The following CPLANE1 variants were observed in gnomAD, a reference collection of about 807,000 sequenced individuals.
CPLANE1 encodes the protein ciliogenesis and planar polarity effector 1.
A neutral mutation model predicts 362.5 loss-of-function variants in CPLANE1; 263 were observed. The observed-to-expected ratio is 0.73, with a 90% CI of 0.66 to 0.80. CPLANE1 has a LOEUF of 0.80. Among genes scored for constraint, CPLANE1 ranks in the 30% least tolerant of loss-of-function variants. The probability of loss-of-function intolerance (pLI) is 0.00; values close to 1 mark genes in which losing one functional copy is unlikely to be tolerated. For missense variants in CPLANE1, 3,461 were observed against 3,793.4 expected, an observed-to-expected ratio of 0.91 and a Z score of 2.30; for synonymous variants, 1,212 against 1,302.6, an observed-to-expected ratio of 0.93 and a Z score of 1.50.
chr5:37,100,043 T>C, the CPLANE1 span, among the ~76,000 whole-genome samples: 1 of 148,982 alleles, frequency 6.7e-6, no homozygotes. Flanking sequence ...ACAAAAATTT[T>C]CTCCCATTCT....
At chr5:37,210,018 T>A (rs920754403) in intron 16 of CPLANE1, 4 of 846,238 alleles carry the variant, frequency 4.7e-6, no homozygotes, top group Non-Finnish European at 6.0e-6. Flanking sequence ...ATGTCAAAAG[T>A]TGAAGTTTTT....
At chr5:37,114,316 T>A (rs1760259957) in intron 51 of CPLANE1, among the ~76,000 whole-genome samples, 1 of 152,186 alleles carries the variant, frequency 6.6e-6, no homozygotes, top group Non-Finnish European at 1.5e-5. Context: ...TCTGAACAGG[T>A]CATTTAACTT....
chr5:37,173,810 T>G lies in CPLANE1; in HGVS notation c.6116A>C (p.Asp2039Ala). ...CATCTGCCTAACGGACTCCGAACAATCTGGTAACTGAGCCGTGAATTCATT... is the reference window on the plus strand; with the variant it reads ...CATCTGCCTAACGGACTCCGAACAAGCTGGTAACTGAGCCGTGAATTCATT... ...QRNEFTAQLP[D>A]CSESVRQMLQ... is the part of the protein sequence containing the mutation. The change falls in exon 32 of 53, where the codon GAT becomes GCT. Residue 2039 changes from aspartate to alanine, a missense_variant. Asp to Ala is a moderately radical substitution (Grantham distance 126, BLOSUM62 -2). Around this residue, in one of 2 missense-constraint regions of CPLANE1, gnomAD observed 3,380 missense variants for 3,666.1 expected, o/e 0.92. Transcript: ENST00000651892. 1 of 1,614,110 alleles carries G rather than the reference T, an allele frequency of 6.2e-7. No homozygotes were observed. The highest frequency in any genetic ancestry group is 1.3e-5 in the African/African-American group (1 of 75,020).
At chr5:37,158,147 C>G in intron 39 of CPLANE1, 77 bp downstream of exon 39, 1 of 1,469,840 alleles carries the variant, frequency 6.8e-7, no homozygotes, top group Non-Finnish European at 9.4e-7. Flanking sequence ...TTCATCTACC[C>G]AATTGAATAA....
At chr5:37,076,167 G>A in the CPLANE1 span, among the ~76,000 whole-genome samples, 1 of 151,458 alleles carries the variant, frequency 6.6e-6, no homozygotes. Context: ...AAGGCAGGAG[G>A]ATCACTTGAA....
chr5:37,085,353 C>T, the CPLANE1 span: 2 of 1,344,050 alleles, frequency 1.5e-6, no homozygotes, highest in Non-Finnish European at 2.1e-6. Flanking sequence ...TAATTTCCAT[C>T]TGATCTATGA....
In CPLANE1 at chr5:37,178,188, G is replaced by C. The variant is rs541681172; in HGVS notation, c.5821-488C>G. On this transcript the variant is annotated intron_variant, in intron 29 of 52. Coordinates refer to ENST00000651892, the MANE Select transcript of CPLANE1 (RefSeq NM_001384732.1). ...CGCATACCTGTAGTCCCAGCTACTT[G>C]GGAGGCTGAGGCAGAATTGCTTGAA... 2.6e-4 allele frequency among the ~76,000 whole-genome samples: 39 copies of C among 152,222 alleles called. 1 individual carries two copies. The highest frequency in any genetic ancestry group is 2.3e-3 in the Admixed American group (35 of 15,274).
intron 36 of CPLANE1, 52 bp downstream of exon 36, chr5:37,165,487 A>C: frequency 6.3e-7 from 1 of 1,578,642 alleles, no homozygotes; most frequent in South Asian, 1.1e-5. Flanking sequence ...AAGACATACC[A>C]AACTCAGTGT....
At chr5:37,244,327 A>G (rs1468169335) in intron 5 of CPLANE1, 48 bp downstream of exon 5, 2 of 1,274,774 alleles carry the variant, frequency 1.6e-6, no homozygotes, top group Admixed American at 2.5e-5. Flanking sequence ...ATACCATTAC[A>G]CACTCTGCTA....
chr5:37,084,221 A>G, the CPLANE1 span, among the ~76,000 whole-genome samples: 602 of 152,324 alleles, frequency 4.0e-3, 4 homozygotes, highest in Non-Finnish European at 6.3e-3. Flanking sequence ...CCATACAAAC[A>G]AATGCTGAGA....
intron 51 of CPLANE1, among the ~76,000 whole-genome samples, chr5:37,113,105 T>C (rs1202496881): frequency 6.6e-6 from 1 of 152,160 alleles, no homozygotes; most frequent in Non-Finnish European, 1.5e-5. Context: ...AGGAAAGTCT[T>C]TGAAAGAGAG....
rs150153090 is a variant in CPLANE1 at position 37,180,952 on chromosome 5, C to A, written c.5475G>T (p.Glu1825Asp). 6.2e-7 allele frequency: 1 copy of A among 1,614,062 alleles called. No individual in the cohort carries two copies. The highest frequency in any genetic ancestry group is 1.1e-5 in the South Asian group (1 of 91,076). The stretch of plus-strand genomic sequence containing the variant: ...CTGAACCGCCAGCATCTGATTTGCT[C>A]TCCCTCTCAATATTGGGTCCAATCT... ...GCQIGPNIERESKSDAGGSVA... is the reference protein window; with the variant it reads ...GCQIGPNIERDSKSDAGGSVA... The change falls in exon 27 of 53, where the codon GAG (glutamate) becomes GAT (aspartate). Residue 1825 changes from glutamate (E) to aspartate (D), a missense_variant. Coordinates refer to ENST00000651892, the MANE Select transcript of CPLANE1 (RefSeq NM_001384732.1).
intron 46 of CPLANE1, among the ~76,000 whole-genome samples, chr5:37,134,432 T>C (rs966799419): frequency 7.2e-5 from 11 of 152,248 alleles, no homozygotes; most frequent in African/African-American, 2.4e-4. Context: ...CATACAGGCA[T>C]TCATAAAAGT....
intron 8 of CPLANE1, among the ~76,000 whole-genome samples, chr5:37,237,723 G>A (rs1335867960): frequency 7.9e-5 from 12 of 152,174 alleles, no homozygotes; most frequent in African/African-American, 2.2e-4. Flanking sequence ...GGTGACGGGC[G>A]CCTTTAATCC....
intron 11 of CPLANE1, 23 bp downstream of exon 11, chr5:37,227,220 A>G (rs1796653361): frequency 6.5e-7 from 1 of 1,545,334 alleles, no homozygotes; most frequent in South Asian, 1.2e-5. Flanking sequence ...GTTCCAAGTA[A>G]ATAAAATTCT....
intron 8 of CPLANE1, among the ~76,000 whole-genome samples, chr5:37,234,265 G>T (rs1448011718): frequency 2.0e-5 from 3 of 150,802 alleles, no homozygotes; most frequent in Non-Finnish European, 4.4e-5. Flanking sequence ...AAATGCCAGA[G>T]AAATAATTCA....
chr5:37,243,195 T>G, intron 5 of CPLANE1, 76 bp from the exon 6 acceptor site: 3 of 783,758 alleles, frequency 3.8e-6, no homozygotes, highest in Non-Finnish European at 5.9e-6. Context: ...CATATATATA[T>G]TCCTCATCAT....
chr5:37,142,727 A>G (rs1770160977), intron 43 of CPLANE1: 1 of 267,426 alleles, frequency 3.7e-6, no homozygotes, highest in Admixed American at 5.3e-5. Context: ...TCATAAAAAC[A>G]TAGACATGCT....
intron 30 of CPLANE1, among the ~76,000 whole-genome samples, chr5:37,176,355 G>T (rs910866563): frequency 2.0e-5 from 3 of 152,110 alleles, no homozygotes; most frequent in Admixed American, 2.0e-4. Flanking sequence ...CTGTAAAGAG[G>T]CTGGGCACGA....
Sources: allele counts gnomAD v4.1 joint callset (sites outside exome capture counted in the v4.1 genomes callset), GRCh38; gene constraint gnomAD v4.1.1; regional missense constraint gnomAD v4.1.1; transcripts MANE v1.5; gene names NCBI Gene and HGNC (gene_info 2026-07-23, HGNC 2026-07-21).